Variants in SIRPG observed in about 807,000 individuals in gnomAD.
SIRPG encodes the protein signal-regulatory protein gamma.
A neutral mutation model predicts 35.7 loss-of-function variants in SIRPG; 38 were observed. The ratio of observed to expected loss-of-function variants is 1.06; its 90% CI spans 0.82 to 1.40. The LOEUF is 1.40. Ranked by LOEUF, SIRPG falls within the 40% of genes most tolerant of loss-of-function variation. The pLI is 0.00. For missense variants in SIRPG, 519 were observed against 483.0 expected (o/e 1.07, Z -0.70); for synonymous variants, 215 against 190.4 (o/e 1.13, Z -1.06).
intron 4 of SIRPG, among the ~76,000 whole-genome samples, chr20:1,631,629 T>C (rs2091751034): frequency 1.3e-5 from 2 of 152,178 alleles, no homozygotes; most frequent in Non-Finnish European, 2.9e-5. Context: ...AAGTTGTCTG[T>C]AAAGCTTACT....
At chr20:1,662,303 G>A (rs560844219), upstream of SIRPG, among the ~76,000 whole-genome samples, 7 of 152,286 alleles carry the variant, frequency 4.6e-5, no homozygotes, top group South Asian at 6.2e-4. Flanking sequence ...ACACAAACTC[G>A]AGGAGGACCC....
chr20:1,635,484 AT>A lies in SIRPG; in HGVS notation c.863del (p.Asn288MetfsTer29). 6.2e-7 allele frequency: 1 copy of A among 1,614,048 alleles called. No homozygotes were observed. The highest frequency in any genetic ancestry group is 1.3e-5 in the African/African-American group (1 of 74,994). Reference sequence around the variant, plus strand: ...CTGTTTCTCTCTGGCACACGTTTCCATTCTCCGACCAGGTCAGCTGTAGGCT... The same window carrying A: ...CTGTTTCTCTCTGGCACACGTTTCCATCTCCGACCAGGTCAGCTGTAGGCT... ...PQSLQLTWSE[N>X]GNVCQRETAS... On this transcript the variant is annotated frameshift_variant, in exon 4 of 6. Transcript: ENST00000303415. LOFTEE classifies it high-confidence loss of function.
chr20:1,660,881 G>C (rs1195718618), upstream of SIRPG, among the ~76,000 whole-genome samples: 1 of 152,102 alleles, frequency 6.6e-6, no homozygotes, highest in Non-Finnish European at 1.5e-5. Flanking sequence ...AAAACTTCCT[G>C]GTCTGAAATC....
the SIRPG span, among the ~76,000 whole-genome samples, chr20:1,684,274 A>G: frequency 6.6e-6 from 1 of 152,220 alleles, no homozygotes; most frequent in Admixed American, 6.5e-5. Context: ...CATGATAAGT[A>G]TATATGCTTT....
the SIRPG span, among the ~76,000 whole-genome samples, chr20:1,664,019 A>G: frequency 6.6e-6 from 1 of 152,222 alleles, no homozygotes; most frequent in Non-Finnish European, 1.5e-5. Context: ...GCTTCTACTC[A>G]TGGTGAGAGA....
At chr20:1,635,038 G>A (rs867433004) in intron 4 of SIRPG, among the ~76,000 whole-genome samples, 5 of 117,146 alleles carry the variant, frequency 4.3e-5, no homozygotes, top group Admixed American at 8.8e-5. Context: ...GCCAGACTCC[G>A]TCTCAAAAAA....
chr20:1,635,750 C>T (rs898152991), intron 3 of SIRPG, 151 bp from the exon 4 acceptor site: 2 of 834,788 alleles, frequency 2.4e-6, no homozygotes, highest in East Asian at 5.3e-5. Flanking sequence ...GCGCTCTTTG[C>T]ATATGAATGA....
chr20:1,665,885 A>G, the SIRPG span, among the ~76,000 whole-genome samples: 1 of 152,138 alleles, frequency 6.6e-6, no homozygotes, highest in African/African-American at 2.4e-5. Context: ...ATAAATTAAA[A>G]TCTGGTCTTT....
At chr20:1,655,441 T>A (rs112681638) in intron 1 of SIRPG, among the ~76,000 whole-genome samples, 2,399 of 152,012 alleles carry the variant, frequency 0.016, 60 homozygotes, top group African/African-American at 0.055. Flanking sequence ...AGACAAACAC[T>A]GTATGATTTC....
chr20:1,668,194 TTTTCTTTTCTTTCTTTC>T, the SIRPG span, among the ~76,000 whole-genome samples: 5,254 of 117,694 alleles, frequency 0.045, 184 homozygotes, highest in Middle Eastern at 0.11. Context: ...TTTCTTTTTC[TTTTCTTTTCTTTCTTTC>T]TTTCTTTCTT....
the SIRPG span, among the ~76,000 whole-genome samples, chr20:1,674,934 G>A: frequency 6.6e-6 from 1 of 152,180 alleles, no homozygotes; most frequent in Non-Finnish European, 1.5e-5. Context: ...GTCCCAGTGG[G>A]CACTTCCTGT....
upstream of SIRPG, among the ~76,000 whole-genome samples, chr20:1,661,971 C>T (rs2091997192): frequency 6.6e-6 from 1 of 152,194 alleles, no homozygotes; most frequent in African/African-American, 2.4e-5. Flanking sequence ...ACCATAATTC[C>T]AGATGTGGCA....
At chr20:1,671,216 T>C in the SIRPG span, 1 of 252,636 alleles carries the variant, frequency 4.0e-6, no homozygotes, top group South Asian at 4.8e-5. Flanking sequence ...GGAGCATCGA[T>C]AAACAGGAGA....
chr20:1,657,495 A>C, intron 1 of SIRPG, 147 bp downstream of exon 1: 1 of 778,420 alleles, frequency 1.3e-6, no homozygotes, highest in South Asian at 1.7e-5. Flanking sequence ...GAAAGTGCTC[A>C]GCTCCCTGAT....
At chr20:1,635,778 C>T (rs1371235825) in intron 3 of SIRPG, among the ~76,000 whole-genome samples, 179 bp from the exon 4 acceptor site, 1 of 152,166 alleles carries the variant, frequency 6.6e-6, no homozygotes, top group Non-Finnish European at 1.5e-5. Context: ...AAGCACAGTG[C>T]CTGGTGCACA....
chr20:1,661,904 T>C (rs1274953982), upstream of SIRPG, among the ~76,000 whole-genome samples: 3 of 152,292 alleles, frequency 2.0e-5, no homozygotes, highest in South Asian at 4.1e-4. Context: ...CCCTTCCTCA[T>C]TGACAGCCCA....
At chr20:1,656,452 G>A (rs1207585600) in intron 1 of SIRPG, among the ~76,000 whole-genome samples, 1 of 152,228 alleles carries the variant, frequency 6.6e-6, no homozygotes, top group Non-Finnish European at 1.5e-5. Flanking sequence ...AACTATTACT[G>A]CTGTCATTTG....
chr20:1,684,427 C>T, the SIRPG span, among the ~76,000 whole-genome samples: 2 of 152,044 alleles, frequency 1.3e-5, no homozygotes, highest in African/African-American at 4.8e-5. Flanking sequence ...CATATATACA[C>T]ATGCATTCAC....
chr20:1,682,106 A>G, the SIRPG span, among the ~76,000 whole-genome samples: 1 of 152,186 alleles, frequency 6.6e-6, no homozygotes, highest in Non-Finnish European at 1.5e-5. Context: ...TTGAGGGACT[A>G]TGCATTTTAC....
Sources: allele counts gnomAD v4.1 joint callset (sites outside exome capture counted in the v4.1 genomes callset), GRCh38; gene constraint gnomAD v4.1.1; transcripts MANE v1.5; gene names NCBI Gene and HGNC (gene_info 2026-07-23, HGNC 2026-07-21).